Variants in BSCL2 observed in about 807,000 individuals in gnomAD.
The protein encoded by BSCL2 is seipin.
A neutral mutation model predicts 57.4 loss-of-function variants in BSCL2; 41 were observed. That is an observed-to-expected ratio of 0.71 (90% CI 0.56 to 0.93). The LOEUF (loss-of-function observed/expected upper bound fraction) is 0.93, where lower values mean the gene tolerates loss of function less well. Ranked by LOEUF, BSCL2 falls within the 40% of genes least tolerant of loss-of-function variation. BSCL2 has a pLI of 0.00. For synonymous variants in BSCL2, 237 were observed against 227.3 expected (o/e 1.04, Z -0.38); for missense variants, 539 against 586.7 (o/e 0.92, Z 0.84).
intron 3 of BSCL2, among the ~76,000 whole-genome samples, chr11:62,698,504 C>T (rs903326499): frequency 1.3e-5 from 2 of 152,118 alleles, no homozygotes; most frequent in Non-Finnish European, 2.9e-5. Context: ...GGCCAGAATC[C>T]GCATTTTACA....
At chr11:62,709,316 C>T (rs766749593), upstream of BSCL2, 1 of 454,054 alleles carries the variant, frequency 2.2e-6, no homozygotes, top group Middle Eastern at 6.9e-4. Flanking sequence ...GATCGGAGAT[C>T]AGAGGGGTCG....
chr11:62,703,347 G>GTTTTT (rs541712297), intron 2 of BSCL2, among the ~76,000 whole-genome samples: 1 of 68,770 alleles, frequency 1.5e-5, no homozygotes, highest in Admixed American at 2.1e-4. Flanking sequence ...ATGCATATAC[G>GTTTTT]TTTTTTTTTT....
chr11:62,690,380 C>A lies in BSCL2; in HGVS notation c.1376G>T (p.Cys459Phe). Residue 459 changes from cysteine (C) to phenylalanine (F), a missense_variant, in exon 11 of 11, where the codon TGC becomes TTC. Physicochemically the swap from Cys to Phe is radical, Grantham distance 205. Coordinates refer to ENST00000360796, the MANE Select transcript of BSCL2 (RefSeq NM_001122955.4). ...TGCCCCTTTTCTTCAGGAACTAGAG[C>A]AGGTGGGGCGCTGTCGGAGAGCACC... ...AGGALRQRPT[C>F]SSS 1 of 1,614,026 alleles carries A rather than the reference C, an allele frequency of 6.2e-7. No individual in the cohort carries two copies. The highest frequency in any genetic ancestry group is 1.3e-5 in the African/African-American group (1 of 75,000).
chr11:62,690,305 A>C lies in BSCL2; in HGVS notation c.*62T>G. On this transcript the variant is annotated 3_prime_UTR_variant, in exon 11 of 11. Transcript: ENST00000360796. ...TGACACAAAATAGTTTATTGAAGGAAAAACGAGGGGAGAGGAGTCAGGTGG... is the reference window on the plus strand; with the variant it reads ...TGACACAAAATAGTTTATTGAAGGACAAACGAGGGGAGAGGAGTCAGGTGG... 1 of 1,610,702 alleles carries C rather than the reference A, an allele frequency of 6.2e-7. No homozygotes were observed. The highest frequency in any genetic ancestry group is 8.5e-7 in the Non-Finnish European group (1 of 1,178,372).
chr11:62,704,577 A>C (rs397688496), intron 2 of BSCL2, among the ~76,000 whole-genome samples: 1 of 113,728 alleles, frequency 8.8e-6, no homozygotes, highest in South Asian at 3.0e-4. Context: ...ACAAAAAAAA[A>C]CCCATCTCTA....
In BSCL2 at chr11:62,691,046, C is replaced by T. The variant is rs777345816; in HGVS notation, c.1072+29G>A. ...CCCAGCCCAGCTCAACCTAGCCCAC[C>T]TCAACAGCTCCCCAGCCAACACCTT... On this transcript the variant is annotated intron_variant, in intron 8 of 10. Coordinates refer to ENST00000360796, the MANE Select transcript of BSCL2 (RefSeq NM_001122955.4). 4.3e-6 allele frequency: 7 copies of T among 1,613,896 alleles called. 1 individual carries two copies. In the Middle Eastern group the frequency reaches 1.0e-3, roughly 231 times the overall value.
chr11:62,706,261 G>C (rs1048807482), intron 1 of BSCL2: 1 of 1,101,566 alleles, frequency 9.1e-7, no homozygotes, highest in Non-Finnish European at 1.1e-6. Context: ...CGACTCACCA[G>C]CCTCGCGCGC....
At position 62,691,429 on chromosome 11, in the gene BSCL2, A is replaced by G. The variant is rs1373992341; in HGVS notation, c.864-8T>C. 4.3e-6 allele frequency: 7 copies of G among 1,614,046 alleles called. No individual in the cohort carries two copies. Among genetic ancestry groups the G allele is most frequent in the Middle Eastern group, 1.6e-4 (1 of 6,084 alleles). On this transcript the variant is annotated splice_region_variant and splice_polypyrimidine_tract_variant and intron_variant, in intron 6 of 10. Coordinates refer to ENST00000360796, the MANE Select transcript of BSCL2 (RefSeq NM_001122955.4). ...AAGTTGTATAGCAGGTATCTGAGGC[A>G]GGAAGTAGGGACAAGAAGGTAGTAG...
chr11:62,709,370 G>C (rs1056211204), upstream of BSCL2: 1 of 454,000 alleles, frequency 2.2e-6, no homozygotes, highest in Admixed American at 2.4e-5. Flanking sequence ...TAAGAATTAA[G>C]TACAAAAGAC....
At chr11:62,690,922 C>G in intron 8 of BSCL2, 55 bp from the exon 9 acceptor site, 1 of 1,592,876 alleles carries the variant, frequency 6.3e-7, no homozygotes, top group Non-Finnish European at 8.6e-7. Flanking sequence ...TGTGCCTGGA[C>G]GGCAGTGCCA....
intron 2 of BSCL2, among the ~76,000 whole-genome samples, chr11:62,704,524 C>T (rs1026735795): frequency 6.6e-6 from 1 of 151,848 alleles, no homozygotes; most frequent in African/African-American, 2.4e-5. Context: ...CCAGCCTGGG[C>T]GACAGAGCAA....
chr11:62,701,912 C>T (rs1039757254), intron 3 of BSCL2, among the ~76,000 whole-genome samples: 4 of 151,782 alleles, frequency 2.6e-5, no homozygotes, highest in East Asian at 1.9e-4. Context: ...GAATGTATGT[C>T]GCTTTTGCAC....
upstream of BSCL2, chr11:62,709,402 AAAC>A (rs1375536648): frequency 2.2e-6 from 1 of 453,880 alleles, no homozygotes; most frequent in Non-Finnish European, 4.4e-6. Context: ...TGCGAAGAGC[AAAC>A]ACACACACAC....
At chr11:62,694,472 T>A (rs930229044) in intron 4 of BSCL2, 96 bp downstream of exon 4, 47 of 1,585,736 alleles carry the variant, frequency 3.0e-5, no homozygotes, top group Non-Finnish European at 4.0e-5. Context: ...CCCAAACTGC[T>A]GGGATTATAG....
chr11:62,708,386 C>G, upstream of BSCL2: 3 of 1,610,204 alleles, frequency 1.9e-6, no homozygotes, highest in Non-Finnish European at 2.5e-6. Context: ...CAGCTTGTGT[C>G]GGATAAAGGT....
intron 3 of BSCL2, among the ~76,000 whole-genome samples, chr11:62,698,443 C>A (rs760577893): frequency 1.3e-5 from 2 of 152,092 alleles, no homozygotes; most frequent in African/African-American, 2.4e-5. Flanking sequence ...GGTGATCCAC[C>A]CGCCTCGGCC....
At position 62,705,094 on chromosome 11, in the gene BSCL2, T is replaced by A. The variant is rs868827991; in HGVS notation, c.404+207A>T. Among the ~76,000 whole-genome samples, 1,949 of 149,340 alleles carry A rather than the reference T, an allele frequency of 0.013. 21 individuals are homozygous for A. The highest frequency in any genetic ancestry group is 0.018 in the Non-Finnish European group (1,211 of 67,552). On this transcript the variant is annotated intron_variant, in intron 2 of 10. Transcript: ENST00000360796. Reference sequence around the variant, plus strand: ...TTTTTCCTTTTTTTTTTTTTTTTTTTAACCAGAATTCAGTAATCAGAGGTA... The same window carrying A: ...TTTTTCCTTTTTTTTTTTTTTTTTTAAACCAGAATTCAGTAATCAGAGGTA...
At position 62,705,572 on chromosome 11, in the gene BSCL2, C is replaced by CA; in HGVS notation, c.132dup (p.Gly45TrpfsTer5). The CA allele has an allele frequency of 6.3e-7, 1 of 1,584,782 alleles. No homozygotes were observed. The highest frequency in any genetic ancestry group is 1.3e-5 in the African/African-American group (1 of 74,672). ...GGCCTTGCGTTCCTAGCTGCTCTGC[C>CA]ACCTGGACGCCACCCCTGGCCATGG... On this transcript the variant is annotated frameshift_variant, in exon 2 of 11. Transcript: ENST00000360796. LOFTEE classifies it high-confidence loss of function.
rs1003234218 is a variant in BSCL2, at chr11:62,702,502, G to C, written c.452C>G (p.Ala151Gly). 4 of 1,612,934 alleles carry C rather than the reference G, an allele frequency of 2.5e-6. No individual in the cohort carries two copies. Among genetic ancestry groups the C allele is most frequent in the Admixed American group, 3.3e-5 (2 of 59,942 alleles). ...STTSLCSFPV[A>G]NVSLTKGGRD... Reference sequence around the variant, plus strand: ...TCCACCCTTAGTCAGCGAGACATTGGCAACAGGGAAGGAGCAGAGTGAGGT... The same window carrying C: ...TCCACCCTTAGTCAGCGAGACATTGCCAACAGGGAAGGAGCAGAGTGAGGT... Residue 151 changes from alanine (A) to glycine (G), a missense_variant, in exon 3 of 11, where the codon GCC (alanine) becomes GGC (glycine). Coordinates refer to ENST00000360796, the MANE Select transcript of BSCL2 (RefSeq NM_001122955.4).
Sources: gnomAD v4.1 joint callset for allele counts (sites outside exome capture counted in the v4.1 genomes callset) on GRCh38, gnomAD v4.1.1 for gene constraint, MANE v1.5 for transcripts, NCBI Gene and HGNC (gene_info 2026-07-23, HGNC 2026-07-21) for gene names.